The following ZNF585B variants were observed in gnomAD, a reference collection of about 807,000 sequenced individuals.
ZNF585B encodes zinc finger protein 585B, also known as zinc finger protein 41-like protein.
In ZNF585B, 7 loss-of-function variants were observed where a neutral mutation model predicts 14.0. The observed-to-expected ratio is 0.50, with a 90% CI of 0.28 to 0.94. The LOEUF is 0.94. ZNF585B is among the 40% of genes least tolerant of loss of function. The pLI, the probability that ZNF585B is intolerant of heterozygous loss-of-function variation, is 0.09. For missense variants in ZNF585B, 750 were observed against 924.4 expected, an observed-to-expected ratio of 0.81 and a Z score of 2.45; for synonymous variants, 290 against 317.3, an observed-to-expected ratio of 0.91 and a Z score of 0.91.
chr19:37,199,664 C>T (rs1972509976), intron 2 of ZNF585B, among the ~76,000 whole-genome samples: 1 of 152,146 alleles, frequency 6.6e-6, no homozygotes, highest in South Asian at 2.1e-4. Context: ...GAATACACTA[C>T]AAATAATATA....
At position 37,185,357 on chromosome 19, in the gene ZNF585B, A is replaced by G. The variant is rs1972320782; in HGVS notation, c.2180T>C (p.Phe727Ser). The change falls in exon 5 of 5, where the codon TTT (phenylalanine) becomes TCT (serine). Residue 727 changes from phenylalanine to serine, a missense_variant. Physicochemically the swap from Phe to Ser is radical, Grantham distance 155 (BLOSUM62 -2). Around this residue, in one of 2 missense-constraint regions of ZNF585B, gnomAD observed 233 missense variants for 354.1 expected, o/e 0.66. Coordinates refer to ENST00000532828, the MANE Select transcript of ZNF585B (RefSeq NM_152279.4). ...PYVCAECGKAFSNRSNLNKHQ... is the reference protein window; with the variant it reads ...PYVCAECGKASSNRSNLNKHQ... ...TTTATTCAAATTGGACCTGTTGCTA[A>G]AGGCCTTCCCACACTCAGCACACAC... 1.9e-6 allele frequency: 3 copies of G among 1,614,038 alleles called. No homozygotes were observed. The African/African-American group carries it at 4.0e-5, about 22-fold the overall frequency.
intron 1 of ZNF585B, among the ~76,000 whole-genome samples, 165 bp downstream of exon 1, chr19:37,210,276 A>G (rs958102989): frequency 2.0e-5 from 3 of 151,694 alleles, no homozygotes; most frequent in Non-Finnish European, 2.9e-5. Flanking sequence ...CCAAACCCCA[A>G]TCACTCATCC....
intron 1 of ZNF585B, among the ~76,000 whole-genome samples, chr19:37,208,078 T>C (rs1300594525): frequency 6.6e-6 from 1 of 152,146 alleles, no homozygotes. Flanking sequence ...GTTCAAGTGA[T>C]TCTACTGCCT....
chr19:37,202,568 G>C (rs1046840422), intron 2 of ZNF585B, among the ~76,000 whole-genome samples: 63 of 148,474 alleles, frequency 4.2e-4, no homozygotes, highest in African/African-American at 1.5e-3. Context: ...TGTATAATTT[G>C]TTCTTACCGA....
chr19:37,188,211 G>A (rs1972360200), intron 4 of ZNF585B, among the ~76,000 whole-genome samples: 1 of 152,172 alleles, frequency 6.6e-6, no homozygotes, highest in South Asian at 2.1e-4. Context: ...ACAAGCCCGG[G>A]CATGGTGCCT....
At chr19:37,198,011 T>A (rs184138150) in intron 2 of ZNF585B, among the ~76,000 whole-genome samples, 2 of 152,076 alleles carry the variant, frequency 1.3e-5, no homozygotes, top group Non-Finnish European at 1.5e-5. Flanking sequence ...GCCAGGAATG[T>A]GTAGAGAAGG....
In ZNF585B at chr19:37,206,078, C is replaced by CAATA. The variant is rs112298591; in HGVS notation, c.72+958_72+961dup. 4.8e-4 allele frequency among the ~76,000 whole-genome samples: 71 copies of CAATA among 148,886 alleles called. 2 individuals are homozygous for CAATA. In the East Asian group the frequency reaches 4.9e-3, roughly 10 times the overall value. ...CTAGGCAACAAGAGCAAAACTCCATCAATAAATAAATAAATAAATAAATAA... is the reference window on the plus strand; with the variant it reads ...CTAGGCAACAAGAGCAAAACTCCATCAATAAATAAATAAATAAATAAATAAATAA... On this transcript the variant is annotated intron_variant, in intron 2 of 4. Coordinates refer to ENST00000532828, the MANE Select transcript of ZNF585B (RefSeq NM_152279.4).
chr19:37,190,200 G>T, intron 2 of ZNF585B, 50 bp from the exon 3 acceptor site: 1 of 1,610,222 alleles, frequency 6.2e-7, no homozygotes, highest in Non-Finnish European at 8.5e-7. Context: ...TTGCACGGTG[G>T]AGTGACTATA....
chr19:37,192,501 TG>T (rs1312925449), intron 2 of ZNF585B, among the ~76,000 whole-genome samples: 1 of 122,740 alleles, frequency 8.1e-6, no homozygotes, highest in Non-Finnish European at 1.7e-5. Context: ...AGCGAGAACC[TG>T]TCTCAAAAAA....
At chr19:37,208,316 T>G (rs1972608764) in intron 1 of ZNF585B, among the ~76,000 whole-genome samples, 1 of 152,150 alleles carries the variant, frequency 6.6e-6, no homozygotes, top group Non-Finnish European at 1.5e-5. Flanking sequence ...ACTAAACATT[T>G]AAATACATGC....
At chr19:37,209,074 T>C (rs781188587) in intron 1 of ZNF585B, among the ~76,000 whole-genome samples, 12 of 152,202 alleles carry the variant, frequency 7.9e-5, no homozygotes, top group Admixed American at 2.6e-4. Flanking sequence ...CTTGAATTGC[T>C]ATAATGTCTT....
Position 37,185,733 on chromosome 19 carries a change from C to T in ZNF585B, c.1804G>A (p.Gly602Arg). 6.2e-7 allele frequency: 1 copy of T among 1,601,802 alleles called. No individual in the cohort carries two copies. Among genetic ancestry groups the T allele is most frequent in the South Asian group, 1.1e-5 (1 of 89,940 alleles). Residue 602 changes from glycine to arginine, a missense_variant, in exon 5 of 5, where the codon GGA becomes AGA. Gly to Arg is a moderately radical substitution (Grantham distance 125). Around this residue, in one of 2 missense-constraint regions of ZNF585B, gnomAD observed 233 missense variants for 354.1 expected, o/e 0.66. Transcript: ENST00000532828. Reference sequence around the variant, plus strand: ...TCACTGCATTCATAAGGCTTCTCTCCAGTATGAATTCTTTGATGAGTAATA... The same window carrying T: ...TCACTGCATTCATAAGGCTTCTCTCTAGTATGAATTCTTTGATGAGTAATA... ...NFITHQRIHT[G>R]EKPYECSDCG...
At chr19:37,190,181 T>C (rs1363311107) in intron 2 of ZNF585B, 31 bp from the exon 3 acceptor site, 1 of 1,613,644 alleles carries the variant, frequency 6.2e-7, no homozygotes, top group African/African-American at 1.3e-5. Context: ...TCAATGTGCA[T>C]AGTCAGCTTT....
chr19:37,210,021 T>C (rs186461347), intron 1 of ZNF585B, among the ~76,000 whole-genome samples: 144 of 152,196 alleles, frequency 9.5e-4, no homozygotes, highest in African/African-American at 3.2e-3. Context: ...GGCCATAAAG[T>C]GCACTTCTAA....
intron 2 of ZNF585B, among the ~76,000 whole-genome samples, chr19:37,192,033 A>AAAAG (rs1161050632): frequency 6.6e-6 from 1 of 152,138 alleles, no homozygotes; most frequent in Non-Finnish European, 1.5e-5. Flanking sequence ...CCATCTCAAA[A>AAAAG]AAAGAAAGAA....
At chr19:37,205,579 T>C (rs138755680) in intron 2 of ZNF585B, among the ~76,000 whole-genome samples, 3 of 152,254 alleles carry the variant, frequency 2.0e-5, no homozygotes, top group African/African-American at 7.2e-5. Context: ...AGAAAATGAA[T>C]AAAGCAGGTT....
At chr19:37,196,322 A>G (rs1343596324) in intron 2 of ZNF585B, among the ~76,000 whole-genome samples, 1 of 152,182 alleles carries the variant, frequency 6.6e-6, no homozygotes, top group Non-Finnish European at 1.5e-5. Context: ...TTCTCTGTGG[A>G]TCTATAATTA....
Position 37,186,432 on chromosome 19 carries a change from A to C in ZNF585B, c.1105T>G (p.Leu369Val). ...GTGTGAATTCTCTGATGAATAATCAACTCTGACCTGTAGGTAAAGGCCTTC... is the reference window on the plus strand; with the variant it reads ...GTGTGAATTCTCTGATGAATAATCACCTCTGACCTGTAGGTAAAGGCCTTC... ...CGKAFTYRSE[L>V]IIHQRIHTGE... The change falls in exon 5 of 5, where the codon TTG becomes GTG. Residue 369 changes from leucine to valine, a missense_variant. Transcript: ENST00000532828. 1.2e-6 allele frequency: 2 copies of C among 1,614,030 alleles called. No homozygotes were observed. Among genetic ancestry groups the C allele is most frequent in the South Asian group, 2.2e-5 (2 of 91,070 alleles).
chr19:37,206,804 C>G (rs150249419), intron 2 of ZNF585B, among the ~76,000 whole-genome samples: 2 of 152,284 alleles, frequency 1.3e-5, no homozygotes, highest in Non-Finnish European at 2.9e-5. Context: ...ACAAAATCAA[C>G]AACAGTTTTC....
Sources: gnomAD v4.1 joint callset for allele counts (sites outside exome capture counted in the v4.1 genomes callset) on GRCh38, gnomAD v4.1.1 for gene constraint, gnomAD v4.1.1 regional missense constraint, MANE v1.5 for transcripts, NCBI Gene and HGNC (gene_info 2026-07-23, HGNC 2026-07-21) for gene names.